The following MTUS2 variants were observed in gnomAD, a reference collection of about 807,000 sequenced individuals.
MTUS2 encodes the protein microtubule-associated tumor suppressor candidate 2.
A neutral mutation model predicts 114.1 loss-of-function variants in MTUS2; 40 were observed. The ratio of observed to expected loss-of-function variants is 0.35; its 90% CI spans 0.27 to 0.46. MTUS2 has a LOEUF of 0.46. Ranked by LOEUF, MTUS2 falls within the 20% of genes least tolerant of loss-of-function variation. The pLI is 1.00. For missense variants in MTUS2, 1,679 were observed against 1,705.4 expected (o/e 0.98, Z 0.27); for synonymous variants, 688 against 672.0 (o/e 1.02, Z -0.37).
intron 2 of MTUS2, among the ~76,000 whole-genome samples, 154 bp downstream of exon 2, chr13:28,840,004 A>G (rs1434451007): frequency 6.7e-6 from 1 of 149,486 alleles, no homozygotes; most frequent in African/African-American, 2.5e-5. Context: ...AAAGAAGTCA[A>G]TGAAAATAAA....
intron 6 of MTUS2, among the ~76,000 whole-genome samples, chr13:29,289,614 C>G (rs895948904): frequency 6.6e-6 from 1 of 152,066 alleles, no homozygotes; most frequent in Middle Eastern, 3.2e-3. Flanking sequence ...AGGCACCCAC[C>G]ACTGCACCCG....
intron 4 of MTUS2, among the ~76,000 whole-genome samples, chr13:29,065,071 A>G (rs1459827339): frequency 1.3e-5 from 2 of 152,224 alleles, no homozygotes; most frequent in Admixed American, 6.5e-5. Context: ...TGTTGTGAAT[A>G]GTGCTACAGT....
intron 2 of MTUS2, among the ~76,000 whole-genome samples, chr13:28,925,121 AAG>A (rs1164240637): frequency 6.6e-6 from 1 of 152,132 alleles, no homozygotes; most frequent in African/African-American, 2.4e-5. Flanking sequence ...GGTTTGGGTT[AAG>A]CAAGGCAGTT....
At chr13:28,820,878 G>A (rs543510045) in intron 1 of MTUS2, among the ~76,000 whole-genome samples, 18 of 152,220 alleles carry the variant, frequency 1.2e-4, no homozygotes, top group Non-Finnish European at 2.4e-4. Flanking sequence ...GGTTAGTTAA[G>A]GCGAGTTCTC....
intron 8 of MTUS2, among the ~76,000 whole-genome samples, chr13:29,403,469 CATT>C (rs1593405698): frequency 6.6e-6 from 1 of 152,298 alleles, no homozygotes; most frequent in East Asian, 1.9e-4. Flanking sequence ...TTTGGTCAAA[CATT>C]ATTCTGGTTG....
At chr13:29,356,558 G>A (rs75475374) in intron 7 of MTUS2, among the ~76,000 whole-genome samples, 11,239 of 152,184 alleles carry the variant, frequency 0.074, 1,385 homozygotes, top group African/African-American at 0.26. Context: ...GGTATGACAT[G>A]TGGGTGGACA....
intron 2 of MTUS2, among the ~76,000 whole-genome samples, chr13:28,873,490 T>A (rs1877747930): frequency 6.6e-6 from 1 of 152,244 alleles, no homozygotes; most frequent in Non-Finnish European, 1.5e-5. Flanking sequence ...GCAGTTACCA[T>A]AACATGAATA....
At chr13:29,192,867 T>G (rs766698617) in intron 5 of MTUS2, among the ~76,000 whole-genome samples, 16 of 152,172 alleles carry the variant, frequency 1.1e-4, no homozygotes, top group Non-Finnish European at 1.8e-4. Flanking sequence ...GGAACAGCAC[T>G]CTATGGTTTA....
chr13:29,047,595 G>A lies in MTUS2; in HGVS notation c.2446+13470G>A, dbSNP rs193018097. 4.7e-4 allele frequency among the ~76,000 whole-genome samples: 71 copies of A among 150,470 alleles called. No individual in the cohort carries two copies. The Middle Eastern group carries it at 0.01, about 22-fold the overall frequency. ...GTGGCGCAATCTCGGCTCACTGCAAGCTCTGCCTCCCGGGTTCATGCCATT... is the reference window on the plus strand; with the variant it reads ...GTGGCGCAATCTCGGCTCACTGCAAACTCTGCCTCCCGGGTTCATGCCATT... On this transcript the variant is annotated intron_variant, in intron 4 of 15. Coordinates refer to ENST00000612955, the MANE Select transcript of MTUS2 (RefSeq NM_001033602.4).
At chr13:29,112,904 T>G in intron 5 of MTUS2, among the ~76,000 whole-genome samples, 1 of 152,112 alleles carries the variant, frequency 6.6e-6, no homozygotes, top group East Asian at 1.9e-4. Context: ...CATGATGGAA[T>G]TGGACATGGG....
At chr13:29,214,249 G>A (rs1182421946) in intron 5 of MTUS2, among the ~76,000 whole-genome samples, 2 of 150,958 alleles carry the variant, frequency 1.3e-5, no homozygotes, top group East Asian at 3.9e-4. Flanking sequence ...GCCTATGTGT[G>A]TCTTTGCATG....
chr13:29,168,250 G>A (rs1315175968), intron 5 of MTUS2, among the ~76,000 whole-genome samples: 1 of 152,176 alleles, frequency 6.6e-6, no homozygotes, highest in Non-Finnish European at 1.5e-5. Context: ...AGTATGATTT[G>A]TGCTTGTTAT....
At chr13:29,291,940 G>C (rs58261857) in intron 6 of MTUS2, among the ~76,000 whole-genome samples, 25,154 of 152,020 alleles carry the variant, frequency 0.17, 2,185 homozygotes, top group African/African-American at 0.2. Flanking sequence ...TCTGCTAAAA[G>C]GTAAATTTTA....
In MTUS2 at chr13:28,907,603, C is replaced by G. The variant is rs1182902676; in HGVS notation, c.-243+67753C>G. Reference sequence around the variant, plus strand: ...ACAAAAAAAGGCAGGGGTTGCAATCCTAGTCTCGGATAAAACAGACTTTAA... The same window carrying G: ...ACAAAAAAAGGCAGGGGTTGCAATCGTAGTCTCGGATAAAACAGACTTTAA... On this transcript the variant is annotated intron_variant, in intron 2 of 15. Transcript: ENST00000612955. Among the ~76,000 whole-genome samples, 5 of 151,290 alleles carry G rather than the reference C, an allele frequency of 3.3e-5. 1 individual carries two copies. Among genetic ancestry groups the G allele is most frequent in the Non-Finnish European group, 7.4e-5 (5 of 67,892 alleles).
At chr13:29,282,001 C>A in intron 6 of MTUS2, 136 bp downstream of exon 6, 2 of 997,416 alleles carry the variant, frequency 2.0e-6, no homozygotes, top group Non-Finnish European at 2.8e-6. Flanking sequence ...AACAATAATA[C>A]CACTGCTTTT....
At chr13:29,418,609 C>T (rs1875851244) in intron 8 of MTUS2, among the ~76,000 whole-genome samples, 1 of 152,162 alleles carries the variant, frequency 6.6e-6, no homozygotes, top group African/African-American at 2.4e-5. Flanking sequence ...ACATATCTTG[C>T]CTTTAGCAGT....
intron 2 of MTUS2, among the ~76,000 whole-genome samples, chr13:28,875,086 T>C (rs938012041): frequency 6.6e-6 from 1 of 150,674 alleles, no homozygotes; most frequent in East Asian, 2.0e-4. Flanking sequence ...ATAATGGATG[T>C]TCAGTAAAAA....
intron 5 of MTUS2, among the ~76,000 whole-genome samples, chr13:29,147,691 T>C (rs562107974): frequency 6.6e-6 from 1 of 152,286 alleles, no homozygotes; most frequent in East Asian, 1.9e-4. Context: ...CATGCAGTAT[T>C]TGGTTTTCTG....
intron 5 of MTUS2, among the ~76,000 whole-genome samples, chr13:29,205,693 A>T (rs184936155): frequency 3.3e-5 from 5 of 152,378 alleles, no homozygotes; most frequent in Admixed American, 2.0e-4. Flanking sequence ...CTTCACTTAG[A>T]ATAATGGTCT....
Sources: gnomAD v4.1 joint callset for allele counts (sites outside exome capture counted in the v4.1 genomes callset) on GRCh38, gnomAD v4.1.1 for gene constraint, MANE v1.5 for transcripts, NCBI Gene and HGNC (gene_info 2026-07-23, HGNC 2026-07-21) for gene names.